KIAA1328: variants seen among roughly 807,000 people sequenced by gnomAD.
KIAA1328 encodes the protein KIAA1328.
In KIAA1328, 52 loss-of-function variants were observed where a neutral mutation model predicts 68.1. The observed-to-expected ratio is 0.76, with a 90% CI of 0.61 to 0.96. The LOEUF (loss-of-function observed/expected upper bound fraction) is 0.96, where lower values mean the gene tolerates loss of function less well. Ranked by LOEUF, KIAA1328 falls within the 40% of genes least tolerant of loss-of-function variation. The pLI, the probability that KIAA1328 is intolerant of heterozygous loss-of-function variation, is 0.00. For synonymous variants in KIAA1328, 232 were observed against 239.4 expected (o/e 0.97, Z 0.28); for missense variants, 641 against 677.6 (o/e 0.95, Z 0.60).
chr18:36,850,717 A>C (rs1298232158), intron 4 of KIAA1328, among the ~76,000 whole-genome samples: 1 of 152,160 alleles, frequency 6.6e-6, no homozygotes, highest in Non-Finnish European at 1.5e-5. Context: ...GGGATGCTAC[A>C]TGACTAACGC....
intron 9 of KIAA1328, among the ~76,000 whole-genome samples, chr18:37,194,182 G>A (rs1027484922): frequency 1.7e-4 from 26 of 152,088 alleles, no homozygotes; most frequent in Non-Finnish European, 3.2e-4. Flanking sequence ...TTTGATAGAT[G>A]TTACCAGTTT....
intron 5 of KIAA1328, chr18:36,954,619 G>A (rs1261835893): frequency 1.3e-5 from 2 of 151,254 alleles, no homozygotes; most frequent in Non-Finnish European, 2.9e-5. Context: ...GTTCTAAAAT[G>A]GTGATTTAAA....
intron 6 of KIAA1328, among the ~76,000 whole-genome samples, chr18:37,059,352 A>T (rs1297866812): frequency 6.6e-6 from 1 of 152,192 alleles, no homozygotes; most frequent in Non-Finnish European, 1.5e-5. Flanking sequence ...ACATGAAAAA[A>T]ACAACCCCAT....
chr18:36,835,867 C>T (rs1055268105), intron 3 of KIAA1328, among the ~76,000 whole-genome samples: 7 of 152,134 alleles, frequency 4.6e-5, no homozygotes, highest in Non-Finnish European at 1.0e-4. Context: ...CCTCTGCAAC[C>T]AGAGTTGTTC....
chr18:37,098,229 T>C (rs1438449753), intron 7 of KIAA1328, among the ~76,000 whole-genome samples: 4 of 152,266 alleles, frequency 2.6e-5, no homozygotes, highest in Non-Finnish European at 5.9e-5. Context: ...ATAGCTCTTA[T>C]TATTTTGAGA....
intron 7 of KIAA1328, among the ~76,000 whole-genome samples, chr18:37,091,055 T>C (rs182572139): frequency 5.4e-4 from 82 of 152,268 alleles, no homozygotes; most frequent in Admixed American, 4.6e-4. Context: ...CTACCTTAAA[T>C]AGGCAACTCT....
At chr18:37,138,358 G>A (rs1330431379) in intron 7 of KIAA1328, among the ~76,000 whole-genome samples, 4 of 152,146 alleles carry the variant, frequency 2.6e-5, no homozygotes, top group Non-Finnish European at 1.5e-5. Flanking sequence ...CAAAGCTAAT[G>A]TTCTTAACCA....
chr18:37,040,032 A>G (rs1599052145), intron 6 of KIAA1328, among the ~76,000 whole-genome samples: 1 of 152,122 alleles, frequency 6.6e-6, no homozygotes. Context: ...ATTTCTCTAC[A>G]CCTGGCCCCC....
At chr18:37,214,016 T>C (rs1322460317) in intron 9 of KIAA1328, among the ~76,000 whole-genome samples, 1 of 152,204 alleles carries the variant, frequency 6.6e-6, no homozygotes, top group Non-Finnish European at 1.5e-5. Context: ...TTCTTGTAAA[T>C]TTGTTTAAGT....
At chr18:36,934,403 G>A (rs1426228293) in intron 5 of KIAA1328, among the ~76,000 whole-genome samples, 1 of 151,994 alleles carries the variant, frequency 6.6e-6, no homozygotes, top group East Asian at 1.9e-4. Context: ...CTGGTGTGCT[G>A]CACCCATTAA....
At chr18:37,188,204 TAGTC>T (rs2059840110) in intron 9 of KIAA1328, among the ~76,000 whole-genome samples, 1 of 152,228 alleles carries the variant, frequency 6.6e-6, no homozygotes, top group Admixed American at 6.5e-5. Context: ...GGGGAGTCCT[TAGTC>T]AGCATCCCTT....
At chr18:36,986,418 G>A (rs1394744243) in intron 6 of KIAA1328, among the ~76,000 whole-genome samples, 5 of 147,890 alleles carry the variant, frequency 3.4e-5, no homozygotes, top group Non-Finnish European at 7.4e-5. Context: ...CAGGACATAG[G>A]CGTGGGCAAG....
At chr18:37,133,570 G>C (rs1161913219) in intron 7 of KIAA1328, among the ~76,000 whole-genome samples, 2 of 143,344 alleles carry the variant, frequency 1.4e-5, no homozygotes, top group African/African-American at 2.7e-5. Flanking sequence ...CTGTCGCCCA[G>C]GCTGGAGTGC....
intron 5 of KIAA1328, among the ~76,000 whole-genome samples, chr18:36,894,998 C>T (rs1396938329): frequency 6.6e-6 from 1 of 152,158 alleles, no homozygotes; most frequent in East Asian, 1.9e-4. Context: ...CTAAGAAAGA[C>T]TTATTGGGTT....
chr18:37,213,383 G>A (rs920195601), intron 9 of KIAA1328, among the ~76,000 whole-genome samples: 2 of 152,306 alleles, frequency 1.3e-5, no homozygotes, highest in African/African-American at 4.8e-5. Context: ...CCACCTATGA[G>A]TGAGAATATG....
chr18:36,908,986 A>G (rs756849774), intron 5 of KIAA1328, among the ~76,000 whole-genome samples: 2 of 152,142 alleles, frequency 1.3e-5, no homozygotes, highest in African/African-American at 2.4e-5. Flanking sequence ...ATCAGAGTCT[A>G]TGTGGTACAT....
chr18:37,216,866 C>T (rs2060445990), intron 9 of KIAA1328, among the ~76,000 whole-genome samples: 2 of 147,126 alleles, frequency 1.4e-5, no homozygotes, highest in African/African-American at 2.5e-5. Context: ...TTGAATTGAT[C>T]CCTTTACCAT....
At chr18:37,186,191 G>T (rs1260430201) in intron 9 of KIAA1328, among the ~76,000 whole-genome samples, 1 of 141,394 alleles carries the variant, frequency 7.1e-6, no homozygotes, top group African/African-American at 2.7e-5. Flanking sequence ...CCACCTCCCA[G>T]GTACAAGGGA....
rs1041815354 is a variant in KIAA1328 at position 37,223,904 on chromosome 18, GACTA to G, written c.*1682_*1685del. 4 of 981,990 alleles carry G rather than the reference GACTA, an allele frequency of 4.1e-6. No individual in the cohort carries two copies. Among genetic ancestry groups the G allele is most frequent in the East Asian group, 2.3e-4 (2 of 8,800 alleles). 60.8% of individuals were successfully genotyped at this position (981,990 alleles called of 1,614,324 possible). The stretch of plus-strand genomic sequence containing the variant: ...TCTTCTGAAATAAATATAAAGTCAA[GACTA>G]ACTAGTTATAATCATTCCCTTAAAA... On this transcript the variant is annotated 3_prime_UTR_variant, in exon 10 of 10. Coordinates refer to ENST00000280020, the MANE Select transcript of KIAA1328 (RefSeq NM_020776.3).
Sources: allele counts gnomAD v4.1 joint callset (sites outside exome capture counted in the v4.1 genomes callset), GRCh38; gene constraint gnomAD v4.1.1; transcripts MANE v1.5; gene names NCBI Gene and HGNC (gene_info 2026-07-23, HGNC 2026-07-21).